Variants in DDX1 observed in about 807,000 individuals in gnomAD.
DDX1 encodes the protein ATP-dependent RNA helicase DDX1.
Under a neutral mutation model 108.7 loss-of-function variants are expected in DDX1, and 28 were observed. That is an observed-to-expected ratio of 0.26 (90% CI 0.19 to 0.35). The LOEUF is 0.35. Among genes scored for constraint, DDX1 ranks in the 10% least tolerant of loss-of-function variants. DDX1 has a pLI of 1.00. For synonymous variants in DDX1, 295 were observed against 288.9 expected, an observed-to-expected ratio of 1.02 and a Z score of -0.21; for missense variants, 710 against 884.5, an observed-to-expected ratio of 0.80 and a Z score of 2.50.
chr2:15,618,176 T>C lies in DDX1; in HGVS notation c.1117-5T>C. 1 of 1,541,364 alleles carries C rather than the reference T, an allele frequency of 6.5e-7. No individual in the cohort carries two copies. The highest frequency in any genetic ancestry group is 8.9e-7 in the Non-Finnish European group (1 of 1,122,010). Reference sequence around the variant, plus strand: ...AACTTAATTTATTCTTTGTTTCTCATGCAGGATGGGCTTCTTTCTCAAGGT... The same window carrying C: ...AACTTAATTTATTCTTTGTTTCTCACGCAGGATGGGCTTCTTTCTCAAGGT... On this transcript the variant is annotated splice_region_variant and splice_polypyrimidine_tract_variant and intron_variant, in intron 15 of 25. Transcript: ENST00000233084.
chr2:15,611,025 C>T (rs1476341333), intron 13 of DDX1, among the ~76,000 whole-genome samples: 1 of 149,968 alleles, frequency 6.7e-6, no homozygotes, highest in Non-Finnish European at 1.5e-5. Flanking sequence ...GGCAGAGGAC[C>T]CTGCGGCCTT....
rs1464666031 is a variant in DDX1, at chr2:15,621,093, C to T, written c.1424C>T (p.Thr475Ile). The T allele has an allele frequency of 1.2e-6, 2 of 1,610,708 alleles. No homozygotes were observed. The highest frequency in any genetic ancestry group is 4.5e-5 in the East Asian group (2 of 44,766). Reference protein sequence around the residue: ...RTDDVHAKDNTRPGANSPEMW... With the variant: ...RTDDVHAKDNIRPGANSPEMW... Reference sequence around the variant, plus strand: ...GATGATGTACATGCAAAAGATAACACAAGACCTGGTGCTAATAGTCCAGGT... The same window carrying T: ...GATGATGTACATGCAAAAGATAACATAAGACCTGGTGCTAATAGTCCAGGT... The change falls in exon 18 of 26, where the codon ACA (threonine) becomes ATA (isoleucine). Residue 475 changes from threonine to isoleucine, a missense_variant. Physicochemically the swap from Thr to Ile is moderately conservative, Grantham distance 89. This residue lies in a region of DDX1 where 661 missense variants were observed against 810.2 expected (regional missense o/e 0.82). Coordinates refer to ENST00000233084, the MANE Select transcript of DDX1 (RefSeq NM_004939.3).
At chr2:15,598,294 GAGAT>G (rs1188910752) in intron 5 of DDX1, among the ~76,000 whole-genome samples, 3 of 152,134 alleles carry the variant, frequency 2.0e-5, no homozygotes, top group African/African-American at 7.2e-5. Context: ...ATGTAAATTA[GAGAT>G]AGATAATTGA....
chr2:15,615,888 A>T (rs898436198), intron 14 of DDX1, among the ~76,000 whole-genome samples: 3 of 151,760 alleles, frequency 2.0e-5, no homozygotes, highest in African/African-American at 4.8e-5. Flanking sequence ...ATATATTTTT[A>T]TTTATTTATT....
At chr2:15,599,907 T>C (rs1039180928) in intron 6 of DDX1, among the ~76,000 whole-genome samples, 191 bp downstream of exon 6, 1 of 152,180 alleles carries the variant, frequency 6.6e-6, no homozygotes, top group Non-Finnish European at 1.5e-5. Flanking sequence ...TCAGCACATA[T>C]GAGAAGTTAT....
In DDX1 at chr2:15,613,375, G is replaced by C. The variant is rs1339188225; in HGVS notation, c.1017+91G>C. ...TTTTGTTTCAAGAAAATTTAAGTGA[G>C]GCTGAAATTAGAGCAAGGTCAGAGG... On this transcript the variant is annotated intron_variant, in intron 14 of 25. Transcript: ENST00000233084. 6 of 848,358 alleles carry C rather than the reference G, an allele frequency of 7.1e-6. No homozygotes were observed. In the African/African-American group the frequency reaches 8.7e-5, roughly 12 times the overall value. 52.6% of individuals were successfully genotyped at this position (848,358 alleles called of 1,614,324 possible). A position where few individuals can be genotyped will look rare whatever the true frequency, so the allele number is the denominator to read the frequency against.
intron 13 of DDX1, among the ~76,000 whole-genome samples, chr2:15,612,623 G>A (rs1169420856): frequency 1.3e-5 from 2 of 151,984 alleles, no homozygotes; most frequent in Admixed American, 1.3e-4. Flanking sequence ...GGCAGAGGCT[G>A]CAATCTCGGC....
chr2:15,621,987 G>A (rs951377857), intron 18 of DDX1, among the ~76,000 whole-genome samples: 5 of 152,150 alleles, frequency 3.3e-5, no homozygotes, highest in African/African-American at 1.2e-4. Flanking sequence ...TCTCATCATA[G>A]GAAAACAGCG....
chr2:15,592,298 G>GCA (rs1340989113), intron 1 of DDX1, among the ~76,000 whole-genome samples: 1 of 152,208 alleles, frequency 6.6e-6, no homozygotes, highest in African/African-American at 2.4e-5. Context: ...TCTTAACGTG[G>GCA]CAGTGACCCT....
chr2:15,607,438 T>C (rs1665682168), intron 13 of DDX1, 125 bp downstream of exon 13: 3 of 710,526 alleles, frequency 4.2e-6, no homozygotes, highest in South Asian at 2.5e-5. Flanking sequence ...TGTGTGAGTA[T>C]GTAAATATAC....
In DDX1 at chr2:15,628,455, T is replaced by TA; in HGVS notation, c.1699dup (p.Arg567LysfsTer11). 6.2e-7 allele frequency: 1 copy of TA among 1,612,432 alleles called. No homozygotes were observed. The highest frequency in any genetic ancestry group is 8.5e-7 in the Non-Finnish European group (1 of 1,178,662). ...CACTGTTCTCTTTAGAAAGGAGATG[T>TA]AAGATTCTTGATTTGCACAGATGTA... On this transcript the variant is annotated frameshift_variant, in exon 21 of 26. Coordinates refer to ENST00000233084, the MANE Select transcript of DDX1 (RefSeq NM_004939.3). LOFTEE classifies it high-confidence loss of function.
intron 19 of DDX1, 47 bp downstream of exon 19, chr2:15,623,629 A>G: frequency 1.3e-6 from 2 of 1,497,408 alleles, no homozygotes; most frequent in Non-Finnish European, 9.3e-7. Context: ...TCCTCTTGTA[A>G]TAGATTATTA....
chr2:15,604,126 G>A (rs537081248), intron 9 of DDX1, among the ~76,000 whole-genome samples: 57 of 152,160 alleles, frequency 3.7e-4, no homozygotes, highest in South Asian at 3.3e-3. Flanking sequence ...AATACATTAC[G>A]TTGTCTTCTC....
At chr2:15,599,055 G>A (rs1265644329) in intron 5 of DDX1, 1 of 152,102 alleles carries the variant, frequency 6.6e-6, no homozygotes, top group Non-Finnish European at 1.5e-5. Context: ...TAGGAGTAAG[G>A]ACAGAGATCA....
intron 13 of DDX1, 26 bp from the exon 14 acceptor site, chr2:15,613,198 T>TC (rs772782304): frequency 8.8e-5 from 130 of 1,481,300 alleles, no homozygotes; most frequent in Non-Finnish European, 1.1e-4. Flanking sequence ...TTTTTTTTTA[T>TC]ATTATCATCT....
chr2:15,602,383 T>A (rs576651778), intron 6 of DDX1, among the ~76,000 whole-genome samples, 165 bp from the exon 7 acceptor site: 1 of 152,196 alleles, frequency 6.6e-6, no homozygotes, highest in Non-Finnish European at 1.5e-5. Flanking sequence ...GAAATACTAC[T>A]ATCACTCAGG....
At chr2:15,622,749 T>G (rs931069822) in intron 18 of DDX1, among the ~76,000 whole-genome samples, 11 of 152,218 alleles carry the variant, frequency 7.2e-5, no homozygotes, top group African/African-American at 1.9e-4. Context: ...TTTTATTGCT[T>G]CTTATATTTT....
chr2:15,602,685 G>A (rs183906871), intron 7 of DDX1, 54 bp downstream of exon 7: 6 of 1,310,478 alleles, frequency 4.6e-6, no homozygotes, highest in East Asian at 2.3e-5. Context: ...GTATTAATAC[G>A]TGAGGGTTTT....
chr2:15,591,970 G>C (rs1305963164), intron 1 of DDX1, 21 bp downstream of exon 1: 9 of 1,405,480 alleles, frequency 6.4e-6, no homozygotes, highest in Non-Finnish European at 8.4e-6. Context: ...GGAAACTCTG[G>C]GGGTGGTGGG....
Sources: allele counts gnomAD v4.1 joint callset (sites outside exome capture counted in the v4.1 genomes callset), GRCh38; gene constraint gnomAD v4.1.1; regional missense constraint gnomAD v4.1.1; transcripts MANE v1.5; gene names NCBI Gene and HGNC (gene_info 2026-07-23, HGNC 2026-07-21).